Variants in AP4B1 observed in about 807,000 individuals in gnomAD.
The protein encoded by AP4B1 is adaptor related protein complex 4 subunit beta 1.
AP4B1 carries 49 observed loss-of-function variants against 76.5 expected under a neutral mutation model. The ratio of observed to expected loss-of-function variants is 0.64; its 90% CI spans 0.51 to 0.81. AP4B1 has a LOEUF of 0.81. Among genes scored for constraint, AP4B1 ranks in the 40% least tolerant of loss-of-function variants. AP4B1 has a pLI of 0.00. For synonymous variants in AP4B1, 330 were observed against 333.3 expected (o/e 0.99, Z 0.11); for missense variants, 911 against 904.9 (o/e 1.01, Z -0.09).
Position 113,904,666 on chromosome 1 carries a change from A to C in AP4B1, c.52T>G (p.Cys18Gly), listed in dbSNP as rs777755720. ...DVVKELKKALCNPHIQADRLR... is the reference protein window; with the variant it reads ...DVVKELKKALGNPHIQADRLR... ...CTATCAGCTTGAATGTGAGGATTGC[A>C]CAGAGCCTTCTTCAGCTCCTTCACC... Residue 18 changes from cysteine (C) to glycine (G), a missense_variant, in exon 1 of 10, where the codon TGC (cysteine) becomes GGC (glycine). Cys to Gly is a radical substitution (Grantham distance 159). Transcript: ENST00000369569. 3.1e-6 allele frequency: 5 copies of C among 1,613,276 alleles called. No individual in the cohort carries two copies. The Admixed American group carries it at 8.3e-5, about 27-fold the overall frequency.
At chr1:113,897,052 A>G (rs1667567151) in intron 7 of AP4B1, 1 of 151,350 alleles carries the variant, frequency 6.6e-6, no homozygotes, top group South Asian at 1.9e-4. Context: ...CTGAGGCAGG[A>G]GAATTGCTTG....
chr1:113,895,126 A>G lies in AP4B1; in HGVS notation c.2159T>C (p.Leu720Pro), dbSNP rs1667301663. 6.2e-7 allele frequency: 1 copy of G among 1,614,208 alleles called. No homozygotes were observed. The highest frequency in any genetic ancestry group is 8.5e-7 in the Non-Finnish European group (1 of 1,180,024). The change falls in exon 10 of 10, where the codon CTG becomes CCG. Residue 720 changes from leucine (L) to proline (P), a missense_variant. Coordinates refer to ENST00000369569, the MANE Select transcript of AP4B1 (RefSeq NM_001253852.3). Reference sequence around the variant, plus strand: ...TTCTAATACAGAAATAAAACTATTCAGCGTCTCCGTTCTTGCTTCATTTTG... The same window carrying G: ...TTCTAATACAGAAATAAAACTATTCGGCGTCTCCGTTCTTGCTTCATTTTG... ...VKQNEARTETLNSFISVLETV... is the reference protein window; with the variant it reads ...VKQNEARTETPNSFISVLETV...
intron 5 of AP4B1, among the ~76,000 whole-genome samples, chr1:113,899,593 G>A (rs553758220): frequency 2.0e-4 from 31 of 152,198 alleles, no homozygotes; most frequent in Middle Eastern, 6.8e-3. Context: ...ACTGTCTCAC[G>A]ATACTGTGGT....
chr1:113,899,541 C>T (rs1275386198), intron 5 of AP4B1, among the ~76,000 whole-genome samples: 1 of 152,122 alleles, frequency 6.6e-6, no homozygotes, highest in Non-Finnish European at 1.5e-5. Flanking sequence ...TGAGTTTCTT[C>T]ATCTTTAAAA....
In AP4B1 at chr1:113,895,420, G is replaced by C; in HGVS notation, c.1865C>G (p.Pro622Arg). 6.2e-7 allele frequency: 1 copy of C among 1,614,206 alleles called. No homozygotes were observed. The highest frequency in any genetic ancestry group is 8.5e-7 in the Non-Finnish European group (1 of 1,180,040). Residue 622 changes from proline (P) to arginine (R), a missense_variant, in exon 10 of 10, where the codon CCC becomes CGC. Coordinates refer to ENST00000369569, the MANE Select transcript of AP4B1 (RefSeq NM_001253852.3). ...LPDSGALMLV[P>R]NRQLTADYFE... Reference sequence around the variant, plus strand: ...ATAATCAGCAGTAAGCTGGCGATTGGGGACTAGCATGAGGGCTCCAGAATC... The same window carrying C: ...ATAATCAGCAGTAAGCTGGCGATTGCGGACTAGCATGAGGGCTCCAGAATC...
Position 113,895,278 on chromosome 1 carries a change from G to T in AP4B1, c.2007C>A (p.Ile669=), listed in dbSNP as rs146869083. 1.2e-6 allele frequency: 2 copies of T among 1,614,194 alleles called. No individual in the cohort carries two copies. ...GCCGAGACCCAGCCCTACTCATTGC[G>T]ATGGTCTGGATGTTCACTACTTGAA... ...MALQVVNIQT[I]AMSRAGSRPW... The change falls in exon 10 of 10, where the codon ATC becomes ATA. Residue 669 remains isoleucine (I), a synonymous_variant. Coordinates refer to ENST00000369569, the MANE Select transcript of AP4B1 (RefSeq NM_001253852.3).
At chr1:113,897,735 G>A in intron 7 of AP4B1, 105 bp downstream of exon 7, 1 of 1,205,426 alleles carries the variant, frequency 8.3e-7, no homozygotes. Context: ...TTCGAAGAGT[G>A]CCCACTTCAA....
intron 5 of AP4B1, chr1:113,899,086 G>C: frequency 8.1e-7 from 1 of 1,239,748 alleles, no homozygotes; most frequent in Non-Finnish European, 1.0e-6. Context: ...GTATTTACAT[G>C]GCAGCCAGAT....
chr1:113,895,191 T>C lies in AP4B1; in HGVS notation c.2094A>G (p.Leu698=), dbSNP rs746528441. 69 of 1,614,094 alleles carry C rather than the reference T, an allele frequency of 4.3e-5. No homozygotes were observed. Among genetic ancestry groups the C allele is most frequent in the Non-Finnish European group, 4.8e-5 (57 of 1,180,052 alleles). Residue 698 remains leucine, a synonymous_variant, in exon 10 of 10, where the codon CTA becomes CTG. Coordinates refer to ENST00000369569, the MANE Select transcript of AP4B1 (RefSeq NM_001253852.3). Reference sequence around the variant, plus strand: ...GCATTTCTGAGTTTCCAGGCTCCAATAGCAGTTCTGTTAAGAACAGACAGC... The same window carrying C: ...GCATTTCTGAGTTTCCAGGCTCCAACAGCAGTTCTGTTAAGAACAGACAGC... ...DTGCLFLTEL[L]LEPGNSEMQI... is the part of the protein sequence containing the mutation.
Position 113,904,626 on chromosome 1 carries a change from T to C in AP4B1, c.92A>G (p.Asn31Ser). 1 of 1,613,894 alleles carries C rather than the reference T, an allele frequency of 6.2e-7. No homozygotes were observed. The highest frequency in any genetic ancestry group is 8.5e-7 in the Non-Finnish European group (1 of 1,179,984). The change falls in exon 1 of 10, where the codon AAT (asparagine) becomes AGT (serine). Residue 31 changes from asparagine (N) to serine (S), a missense_variant. Transcript: ENST00000369569. ...ATACCTAATCACTCGCTGGATGACA[T>C]TCCGGTAGCGCAGCCTATCAGCTTG... ...HIQADRLRYR[N>S]VIQRVIRYMT... is the part of the protein sequence containing the mutation.
At chr1:113,899,685 T>G in intron 5 of AP4B1, 1 of 680,336 alleles carries the variant, frequency 1.5e-6, no homozygotes, top group Non-Finnish European at 2.4e-6. Context: ...GTATTCTCCA[T>G]CCTGGAAGAT....
intron 6 of AP4B1, 100 bp from the exon 7 acceptor site, chr1:113,898,043 A>T: frequency 6.3e-7 from 1 of 1,580,868 alleles, no homozygotes; most frequent in Non-Finnish European, 8.6e-7. Flanking sequence ...TTCTGGCTGG[A>T]TTTCTGTAAA....
rs535682601 is a variant in AP4B1, at chr1:113,894,677, G to C, written c.*388C>G. The C allele has an allele frequency of 4.4e-6, 1 of 226,428 alleles. No homozygotes were observed. Among genetic ancestry groups the C allele is most frequent in the South Asian group, 6.1e-5 (1 of 16,504 alleles). The allele number at this position is 226,428 out of a possible 1,614,324, so 14.0% of individuals were successfully genotyped here. The stretch of plus-strand genomic sequence containing the variant: ...CCTAAAAGCATGATTGGAAATATGA[G>C]AACAGTTAGGAATTTACTATAATAA... On this transcript the variant is annotated 3_prime_UTR_variant, in exon 10 of 10. Transcript: ENST00000369569.
In AP4B1 at chr1:113,904,651, G is replaced by T. The variant is rs752491831; in HGVS notation, c.67C>A (p.Gln23Lys). Residue 23 changes from glutamine (Q) to lysine (K), a missense_variant, in exon 1 of 10, where the codon CAA (glutamine) becomes AAA (lysine). Gln to Lys is a moderately conservative substitution (Grantham distance 53). Transcript: ENST00000369569. ...LKKALCNPHI[Q>K]ADRLRYRNVI... ...TTCCGGTAGCGCAGCCTATCAGCTT[G>T]AATGTGAGGATTGCACAGAGCCTTC... 1.2e-6 allele frequency: 2 copies of T among 1,613,552 alleles called. No homozygotes were observed. Among genetic ancestry groups the T allele is most frequent in the Non-Finnish European group, 1.7e-6 (2 of 1,180,024 alleles).
chr1:113,898,721 T>G lies in AP4B1; in HGVS notation c.1195A>C (p.Thr399Pro). 6.2e-7 allele frequency: 1 copy of G among 1,607,858 alleles called. No homozygotes were observed. Among genetic ancestry groups the G allele is most frequent in the East Asian group, 2.2e-5 (1 of 44,876 alleles). ...LLGLRQEHIT[T>P]VVVQTFRDLV... Reference sequence around the variant, plus strand: ...ATCCTAAAAAGGCAGGCATTACCTGTGGTAATGTGCTCTTGTCGAAGACCC... The same window carrying G: ...ATCCTAAAAAGGCAGGCATTACCTGGGGTAATGTGCTCTTGTCGAAGACCC... The change falls in exon 6 of 10, where the codon ACA becomes CCA. Residue 399 changes from threonine to proline, a missense_variant. Transcript: ENST00000369569.
rs762750317 is a variant in AP4B1 at position 113,899,971 on chromosome 1, T to A, written c.1047A>T (p.Leu349=). ...CCGTGCAGTACCCTCGAAGCTCCTCTAGCACCTGCTGCACATTCTCATCGT... is the reference window on the plus strand; with the variant it reads ...CCGTGCAGTACCCTCGAAGCTCCTCAAGCACCTGCTGCACATTCTCATCGT... ...LVNDENVQQV[L]EELRGYCTDV... is the part of the protein sequence containing the mutation. Residue 349 remains leucine, a synonymous_variant, in exon 5 of 10, where the codon CTA becomes CTT. Transcript: ENST00000369569. 6.2e-6 allele frequency: 10 copies of A among 1,614,194 alleles called. No individual in the cohort carries two copies. Among genetic ancestry groups the A allele is most frequent in the Non-Finnish European group, 8.5e-6 (10 of 1,180,026 alleles).
Position 113,897,938 on chromosome 1 carries a change from C to A in AP4B1, c.1204G>T (p.Val402Leu). 6.2e-7 allele frequency: 1 copy of A among 1,614,126 alleles called. No homozygotes were observed. Among genetic ancestry groups the A allele is most frequent in the East Asian group, 2.2e-5 (1 of 44,870 alleles). The change falls in exon 7 of 10, where the codon GTG becomes TTG. Residue 402 changes from valine to leucine, a missense_variant. Transcript: ENST00000369569. ...CAAACCAGGTCTCGGAAAGTCTGCA[C>A]CACCACTACAATACAGGCCAGGGTA... ...LRQEHITTVV[V>L]QTFRDLVWLC...
chr1:113,896,078 C>T (rs549455348), intron 8 of AP4B1, 40 bp from the exon 9 acceptor site: 2 of 1,613,568 alleles, frequency 1.2e-6, no homozygotes, highest in Non-Finnish European at 1.7e-6. Context: ...AAAAACAAAA[C>T]CACTTTCCTC....
upstream of AP4B1, chr1:113,904,827 A>G: frequency 2.1e-6 from 2 of 974,570 alleles, no homozygotes; most frequent in South Asian, 1.3e-5. Context: ...GTGAAAATAC[A>G]AAAGGCGAGA....
Sources: gnomAD v4.1 joint callset for allele counts (sites outside exome capture counted in the v4.1 genomes callset) on GRCh38, gnomAD v4.1.1 for gene constraint, MANE v1.5 for transcripts, NCBI Gene and HGNC (gene_info 2026-07-23, HGNC 2026-07-21) for gene names.